Variants in CYTH3 observed in about 807,000 individuals in gnomAD.
CYTH3 encodes the protein cytohesin 3, also known as cytohesin-3.
CYTH3 carries 23 observed loss-of-function variants against 55.1 expected under a neutral mutation model. That is an observed-to-expected ratio of 0.42 (90% confidence interval 0.30 to 0.59). The LOEUF (loss-of-function observed/expected upper bound fraction) is 0.59. CYTH3 is among the 20% of genes least tolerant of loss of function. The probability of loss-of-function intolerance (pLI) is 0.20; values close to 1 mark genes in which losing one functional copy is unlikely to be tolerated. For synonymous variants in CYTH3, 249 were observed against 194.9 expected (o/e 1.28, Z -2.31); for missense variants, 413 against 524.8 (o/e 0.79, Z 2.08).
intron 4 of CYTH3, among the ~76,000 whole-genome samples, chr7:6,184,979 T>C (rs1783599766): frequency 6.6e-6 from 1 of 152,238 alleles, no homozygotes; most frequent in African/African-American, 2.4e-5. Context: ...GCTGCACTAC[T>C]TGGGTCCCCT....
chr7:6,237,620 A>G (rs1779557679), intron 1 of CYTH3, among the ~76,000 whole-genome samples: 1 of 152,092 alleles, frequency 6.6e-6, no homozygotes, highest in Non-Finnish European at 1.5e-5. Flanking sequence ...AGGCAGGAAA[A>G]TCACTTGAAC....
chr7:6,253,208 C>T (rs973323092), intron 1 of CYTH3, among the ~76,000 whole-genome samples: 4 of 146,918 alleles, frequency 2.7e-5, no homozygotes, highest in South Asian at 2.2e-4. Context: ...AAAGGTGTCA[C>T]GAAAACAATT....
intron 1 of CYTH3, among the ~76,000 whole-genome samples, chr7:6,243,885 G>A (rs1468203830): frequency 3.9e-5 from 6 of 152,168 alleles, no homozygotes; most frequent in Middle Eastern, 3.2e-3. Flanking sequence ...CACCAGAGAA[G>A]TGAATTTTTA....
At chr7:6,214,291 T>C in intron 1 of CYTH3, among the ~76,000 whole-genome samples, 1 of 152,226 alleles carries the variant, frequency 6.6e-6, no homozygotes, top group East Asian at 1.9e-4. Context: ...CTTGAAATTT[T>C]TCATACTAAA....
chr7:6,240,816 G>C (rs1361823152), intron 1 of CYTH3, among the ~76,000 whole-genome samples: 1 of 151,704 alleles, frequency 6.6e-6, no homozygotes, highest in African/African-American at 2.4e-5. Flanking sequence ...ATTTAGGTGT[G>C]AAAAAAGAAA....
At chr7:6,195,399 T>G (rs1783900409) in intron 1 of CYTH3, among the ~76,000 whole-genome samples, 1 of 152,174 alleles carries the variant, frequency 6.6e-6, no homozygotes, top group African/African-American at 2.4e-5. Flanking sequence ...AATTTTTAAT[T>G]TCCTGCTTCC....
chr7:6,207,158 G>T (rs1052249163), intron 1 of CYTH3, among the ~76,000 whole-genome samples: 7 of 140,592 alleles, frequency 5.0e-5, no homozygotes, highest in Non-Finnish European at 7.5e-5. Flanking sequence ...GCAGTGGCGC[G>T]ATCTTGGCTC....
chr7:6,199,513 A>G (rs1784012407), intron 1 of CYTH3, among the ~76,000 whole-genome samples: 1 of 152,182 alleles, frequency 6.6e-6, no homozygotes, highest in Non-Finnish European at 1.5e-5. Flanking sequence ...ACAAGCAAAC[A>G]AAATAACAAA....
At chr7:6,257,350 T>C (rs1450174060) in intron 1 of CYTH3, among the ~76,000 whole-genome samples, 1 of 152,202 alleles carries the variant, frequency 6.6e-6, no homozygotes, top group Admixed American at 6.5e-5. Context: ...CTCAAAAAAA[T>C]TTTAATCTAA....
intron 1 of CYTH3, among the ~76,000 whole-genome samples, chr7:6,244,072 C>A (rs1779743137): frequency 6.6e-6 from 1 of 152,124 alleles, no homozygotes; most frequent in Non-Finnish European, 1.5e-5. Context: ...AGTAAGTAAG[C>A]CTGTGTTGAA....
intron 1 of CYTH3, among the ~76,000 whole-genome samples, chr7:6,255,984 C>G (rs574659135): frequency 6.6e-6 from 1 of 151,914 alleles, no homozygotes; most frequent in South Asian, 2.1e-4. Context: ...AGGATGGTCT[C>G]GATCTCCTGA....
Position 6,169,519 on chromosome 7 carries a change from T to C in CYTH3, c.823+1016A>G, listed in dbSNP as rs1284447636. 6.6e-6 allele frequency among the ~76,000 whole-genome samples: 1 copy of C among 152,066 alleles called. No homozygotes were observed. Among genetic ancestry groups the C allele is most frequent in the East Asian group, 1.9e-4 (1 of 5,180 alleles). On this transcript the variant is annotated intron_variant, in intron 9 of 12. Coordinates refer to ENST00000350796, the MANE Select transcript of CYTH3 (RefSeq NM_004227.4). The surrounding 1 kb of genome is among the most constrained non-coding windows in gnomAD (Gnocchi z 4.1). ...AGCCACTGCACCCGGCTGATAAAAT[T>C]TTTAAAAAATCACCAGGATGCTCCA...
At chr7:6,244,955 ATTTTTTTTTTTTTTTTTT>A (rs887701278) in intron 1 of CYTH3, among the ~76,000 whole-genome samples, 52 of 36,456 alleles carry the variant, frequency 1.4e-3, no homozygotes, top group East Asian at 7.3e-3. Context: ...CGCCCGGCTA[ATTTTTTTTTTTTTTTTTT>A]TTTTTTTTTT....
intron 5 of CYTH3, among the ~76,000 whole-genome samples, chr7:6,174,544 T>TTTG (rs2128538881): frequency 7.1e-6 from 1 of 140,662 alleles, no homozygotes; most frequent in African/African-American, 2.7e-5. Flanking sequence ...TGTGGGTTTT[T>TTTG]TTTTTTTTTT....
chr7:6,249,434 G>A (rs1779904666), intron 1 of CYTH3, among the ~76,000 whole-genome samples: 1 of 152,232 alleles, frequency 6.6e-6, no homozygotes, highest in African/African-American at 2.4e-5. Flanking sequence ...GAACAGGAAA[G>A]GACAGAGAAG....
Position 6,170,394 on chromosome 7 carries a change from G to A in CYTH3, c.823+141C>T, listed in dbSNP as rs1430463892. The A allele has an allele frequency of 8.0e-6, 6 of 749,606 alleles. No homozygotes were observed. Among genetic ancestry groups the A allele is most frequent in the African/African-American group, 7.1e-5 (4 of 56,260 alleles). The allele number at this position is 749,606 out of a possible 1,614,324, so 46.4% of individuals were successfully genotyped here. ...CCGTGGCCATGCAGCTACCGAGAGC[G>A]GGCTCTGGCTTAACCGCGTTTCTTT... On this transcript the variant is annotated intron_variant, in intron 9 of 12. Transcript: ENST00000350796. This position sits in a 1 kb window ranked among gnomAD's most constrained non-coding sequence, Gnocchi z 7.8.
At chr7:6,233,655 CAAAAAA>C (rs557639314) in intron 1 of CYTH3, among the ~76,000 whole-genome samples, 3 of 79,600 alleles carry the variant, frequency 3.8e-5, no homozygotes, top group Non-Finnish European at 6.2e-5. Flanking sequence ...GACTCCATCT[CAAAAAA>C]AAAAAAAAAA....
intron 4 of CYTH3, among the ~76,000 whole-genome samples, chr7:6,185,533 A>T (rs1016389433): frequency 2.0e-5 from 3 of 148,072 alleles, no homozygotes; most frequent in African/African-American, 7.8e-5. Flanking sequence ...CGTCTCTACT[A>T]AAAAAAAATA....
At chr7:6,192,319 G>A (rs1029369704) in intron 1 of CYTH3, among the ~76,000 whole-genome samples, 1 of 151,944 alleles carries the variant, frequency 6.6e-6, no homozygotes, top group Non-Finnish European at 1.5e-5. Context: ...CTGGGCTCAA[G>A]CAATCCTCCC....
Sources: allele counts gnomAD v4.1 joint callset (sites outside exome capture counted in the v4.1 genomes callset), GRCh38; gene constraint gnomAD v4.1.1; non-coding constraint Gnocchi (gnomAD v3.1); transcripts MANE v1.5; gene names NCBI Gene and HGNC (gene_info 2026-07-23, HGNC 2026-07-21).